TFG: variants seen among roughly 807,000 people sequenced by gnomAD.
The protein encoded by TFG is trafficking from ER to golgi regulator.
In TFG, 22 loss-of-function variants were observed where a neutral mutation model predicts 51.4. The ratio of observed to expected loss-of-function variants is 0.43; its 90% CI spans 0.31 to 0.61. TFG has a LOEUF of 0.61. Ranked by LOEUF, TFG falls within the 20% of genes least tolerant of loss-of-function variation. TFG has a pLI of 0.12. For synonymous variants in TFG, 187 were observed against 165.6 expected, an observed-to-expected ratio of 1.13 and a Z score of -0.99; for missense variants, 419 against 487.7, an observed-to-expected ratio of 0.86 and a Z score of 1.33.
At chr3:100,718,146 T>C (rs1192248239) in intron 2 of TFG, among the ~76,000 whole-genome samples, 1 of 152,128 alleles carries the variant, frequency 6.6e-6, no homozygotes, top group Admixed American at 6.5e-5. Flanking sequence ...AGGCTGGTCC[T>C]GAACTCCTGG....
intron 6 of TFG, among the ~76,000 whole-genome samples, chr3:100,739,848 C>G (rs1221879886): frequency 6.6e-6 from 1 of 152,086 alleles, no homozygotes; most frequent in African/African-American, 2.4e-5. Flanking sequence ...CATGCTGTTA[C>G]TTAACAGTGA....
intron 7 of TFG, among the ~76,000 whole-genome samples, chr3:100,746,462 C>T (rs2095135163): frequency 6.6e-6 from 1 of 152,072 alleles, no homozygotes; most frequent in Non-Finnish European, 1.5e-5. Flanking sequence ...ACAACCTAGA[C>T]TGGAGTTGGC....
chr3:100,711,827 C>A (rs1393053998), intron 1 of TFG, among the ~76,000 whole-genome samples: 3 of 151,904 alleles, frequency 2.0e-5, no homozygotes, highest in African/African-American at 4.8e-5. Flanking sequence ...TATTTACCAT[C>A]TTGGTGAAGT....
At chr3:100,743,971 T>TAG (rs1202829422) in intron 6 of TFG, 1 of 152,162 alleles carries the variant, frequency 6.6e-6, no homozygotes, top group Non-Finnish European at 1.5e-5. Context: ...ATATTACATC[T>TAG]AGCTAAATCA....
intron 5 of TFG, among the ~76,000 whole-genome samples, chr3:100,733,622 T>A (rs547350616): frequency 6.6e-6 from 1 of 151,936 alleles, no homozygotes; most frequent in Admixed American, 6.6e-5. Flanking sequence ...CCACACACAC[T>A]CCCCCCAACT....
chr3:100,723,502 C>T (rs1479661406), intron 3 of TFG, among the ~76,000 whole-genome samples: 1 of 151,830 alleles, frequency 6.6e-6, no homozygotes, highest in African/African-American at 2.4e-5. Context: ...CATGCTACTT[C>T]CAAGAGACAT....
intron 3 of TFG, among the ~76,000 whole-genome samples, chr3:100,721,417 C>A (rs1399853798): frequency 6.6e-6 from 1 of 152,008 alleles, no homozygotes; most frequent in African/African-American, 2.4e-5. Flanking sequence ...GCCCTTGGTC[C>A]TAGTCCCTCA....
chr3:100,741,353 A>G (rs757856523), intron 6 of TFG, among the ~76,000 whole-genome samples: 5 of 152,156 alleles, frequency 3.3e-5, no homozygotes, highest in Admixed American at 6.5e-5. Context: ...GTATAGGCCT[A>G]GGCTAATGTG....
chr3:100,736,191 A>G (rs751676150), intron 5 of TFG, among the ~76,000 whole-genome samples: 1 of 152,128 alleles, frequency 6.6e-6, no homozygotes, highest in East Asian at 1.9e-4. Context: ...CTTAATGCCA[A>G]ACTAGGAGGT....
At chr3:100,721,409 C>A (rs2095060414) in intron 3 of TFG, among the ~76,000 whole-genome samples, 1 of 151,408 alleles carries the variant, frequency 6.6e-6, no homozygotes, top group African/African-American at 2.4e-5. Context: ...TGGTGTAGGC[C>A]CTTGGTCCTA....
chr3:100,748,217 T>C lies in TFG; in HGVS notation c.889T>C (p.Ser297Pro). ...CCAGGGATATGGCCAGCAACCAACT[T>C]CCCAGGCACCAGCTCCTGCCTTTTC... ...QFQGYGQQPT[S>P]QAPAPAFSGQ... Residue 297 changes from serine to proline, a missense_variant, in exon 8 of 8, where the codon TCC (serine) becomes CCC (proline). Ser to Pro is a moderately conservative substitution (Grantham distance 74). This residue lies in a region of TFG where 391 missense variants were observed against 434.4 expected (regional missense o/e 0.90). Coordinates refer to ENST00000240851, the MANE Select transcript of TFG (RefSeq NM_006070.6). 1 of 1,614,044 alleles carries C rather than the reference T, an allele frequency of 6.2e-7. No homozygotes were observed. The highest frequency in any genetic ancestry group is 2.2e-5 in the East Asian group (1 of 44,876).
At chr3:100,742,108 C>G (rs2095122911) in intron 6 of TFG, among the ~76,000 whole-genome samples, 1 of 152,114 alleles carries the variant, frequency 6.6e-6, no homozygotes, top group African/African-American at 2.4e-5. Context: ...GAAGTTCATC[C>G]TTTTTCTTTT....
intron 6 of TFG, chr3:100,742,357 A>C (rs2095123602): frequency 1.3e-5 from 2 of 152,208 alleles, no homozygotes; most frequent in South Asian, 2.1e-4. Flanking sequence ...AAATACCCCC[A>C]GACTTCTAGA....
chr3:100,730,762 A>G (rs997942709), intron 4 of TFG, among the ~76,000 whole-genome samples: 1 of 152,322 alleles, frequency 6.6e-6, no homozygotes, highest in South Asian at 2.1e-4. Context: ...TACCTTAGAT[A>G]GAAGATTGAC....
intron 6 of TFG, chr3:100,743,911 A>G (rs530532437): frequency 7.7e-4 from 117 of 152,232 alleles, no homozygotes; most frequent in African/African-American, 2.7e-3. Flanking sequence ...TGATTATTTT[A>G]AAGATTTAAA....
intron 6 of TFG, among the ~76,000 whole-genome samples, chr3:100,740,414 T>C (rs560907262): frequency 6.6e-6 from 1 of 152,234 alleles, no homozygotes; most frequent in Non-Finnish European, 1.5e-5. Flanking sequence ...CCTCATGACA[T>C]GACAGCTTCA....
chr3:100,739,342 G>A (rs1382842236), intron 6 of TFG, among the ~76,000 whole-genome samples: 1 of 151,856 alleles, frequency 6.6e-6, no homozygotes, highest in Non-Finnish European at 1.5e-5. Context: ...AATAAATGTA[G>A]TCTTAATATG....
At position 100,745,036 on chromosome 3, in the gene TFG, A is replaced by T. The variant is rs146183551; in HGVS notation, c.820+105A>T. On this transcript the variant is annotated intron_variant, in intron 7 of 7. Transcript: ENST00000240851. ...TTTGTAGTACATTGATATAATAGGT[A>T]TTAAGTTTTTATTAGGGGAAACAAC... is the stretch of plus-strand genomic sequence containing the variant. 4.3e-3 allele frequency: 2,151 copies of T among 504,850 alleles called. 11 individuals are homozygous for T. The highest frequency in any genetic ancestry group is 5.0e-3 in the Non-Finnish European group (1,462 of 291,330). The allele number at this position is 504,850 out of a possible 1,614,324, so 31.3% of individuals were successfully genotyped here. A position where few individuals can be genotyped will look rare whatever the true frequency, so the allele number is the denominator to read the frequency against.
intron 1 of TFG, among the ~76,000 whole-genome samples, chr3:100,711,381 G>C (rs897124959): frequency 1.3e-5 from 2 of 152,158 alleles, no homozygotes; most frequent in African/African-American, 4.8e-5. Context: ...GATTACAGGT[G>C]TGAGCCACCG....
Sources: allele counts gnomAD v4.1 joint callset (sites outside exome capture counted in the v4.1 genomes callset), GRCh38; gene constraint gnomAD v4.1.1; regional missense constraint gnomAD v4.1.1; transcripts MANE v1.5; gene names NCBI Gene and HGNC (gene_info 2026-07-23, HGNC 2026-07-21).